EFCAB11: variants seen among roughly 807,000 people sequenced by gnomAD.
EFCAB11 encodes EF-hand calcium-binding domain-containing protein 11.
EFCAB11 carries 14 observed loss-of-function variants against 23.0 expected under a neutral mutation model. That is an observed-to-expected ratio of 0.61 (90% CI 0.40 to 0.95). The LOEUF (loss-of-function observed/expected upper bound fraction) is 0.95, where lower values mean the gene tolerates loss of function less well. EFCAB11 is among the 40% of genes least tolerant of loss of function. The probability of loss-of-function intolerance (pLI) is 0.00; values close to 1 mark genes in which losing one functional copy is unlikely to be tolerated. For missense variants in EFCAB11, 198 were observed against 195.8 expected (o/e 1.01, Z -0.07); for synonymous variants, 65 against 66.6 (o/e 0.98, Z 0.11).
intron 5 of EFCAB11, among the ~76,000 whole-genome samples, chr14:89,839,780 G>A (rs750783320): frequency 1.3e-5 from 2 of 150,576 alleles, no homozygotes; most frequent in African/African-American, 2.4e-5. Context: ...ACTTCACATG[G>A]CTGGAGCAGG....
At chr14:89,804,424 T>C (rs949999135) in intron 5 of EFCAB11, among the ~76,000 whole-genome samples, 3 of 152,208 alleles carry the variant, frequency 2.0e-5, no homozygotes, top group Non-Finnish European at 4.4e-5. Flanking sequence ...AAGCTTTACG[T>C]AGACAACTCT....
In EFCAB11 at chr14:89,850,345, G is replaced by A. The variant is rs191517210; in HGVS notation, c.411-53021C>T. On this transcript the variant is annotated intron_variant, in intron 5 of 5. Transcript: ENST00000316738. ...TGTGTCTTCCTTACCTTGGCATTCC[G>A]AATGTTTCTAGACTGTGCGACCCAC... is the stretch of plus-strand genomic sequence containing the variant. Among the ~76,000 whole-genome samples the A allele has an allele frequency of 2.3e-3, 353 of 152,250 alleles. 1 individual carries two copies. Among genetic ancestry groups the A allele is most frequent in the African/African-American group, 8.4e-3 (347 of 41,544 alleles).
At chr14:89,857,619 GCT>G (rs1887795654) in intron 5 of EFCAB11, among the ~76,000 whole-genome samples, 1 of 152,090 alleles carries the variant, frequency 6.6e-6, no homozygotes, top group South Asian at 2.1e-4. Flanking sequence ...CTTCTCTGAA[GCT>G]CTGTCATATC....
chr14:89,905,440 T>C (rs1020596140), intron 5 of EFCAB11, among the ~76,000 whole-genome samples: 3 of 152,098 alleles, frequency 2.0e-5, no homozygotes, highest in Non-Finnish European at 4.4e-5. Context: ...ACGTGCTTAG[T>C]GCAAAATGAC....
chr14:89,874,789 G>T (rs980540567), intron 5 of EFCAB11, among the ~76,000 whole-genome samples: 8 of 152,262 alleles, frequency 5.3e-5, no homozygotes, highest in African/African-American at 1.9e-4. Flanking sequence ...CTACTCGGGA[G>T]GCTGAGGCAA....
intron 2 of EFCAB11, among the ~76,000 whole-genome samples, chr14:89,953,090 T>C (rs1236123090): frequency 6.6e-6 from 1 of 151,902 alleles, no homozygotes; most frequent in Admixed American, 6.6e-5. Context: ...AGCAAATATC[T>C]AACAAAATTT....
At position 89,929,030 on chromosome 14, in the gene EFCAB11, C is replaced by CATATATATATATATATATATATATTTT. The variant is rs34339124; in HGVS notation, c.410+2510_410+2511insAAAATATATATATATATATATATATAT. Among the ~76,000 whole-genome samples the CATATATATATATATATATATATATTTT allele has an allele frequency of 4.6e-4, 56 of 121,200 alleles. 1 individual carries two copies. The highest frequency in any genetic ancestry group is 1.6e-3 in the African/African-American group (53 of 33,184). The allele number at this position is 121,200 out of a possible 152,430, so 79.5% of individuals were successfully genotyped here. A position where few individuals can be genotyped will look rare whatever the true frequency, so the allele number is the denominator to read the frequency against. On this transcript the variant is annotated intron_variant, in intron 5 of 5. Transcript: ENST00000316738. The stretch of plus-strand genomic sequence containing the variant: ...GGAAAGATGGACATATAAATACATA[C>CATATATATATATATATATATATATTTT]ATATATATATATATACACACACACA...
intron 5 of EFCAB11, among the ~76,000 whole-genome samples, chr14:89,898,546 G>A (rs1596441370): frequency 6.6e-6 from 1 of 151,920 alleles, no homozygotes; most frequent in African/African-American, 2.4e-5. Flanking sequence ...TGTATTTTTG[G>A]TAGAGACAGT....
At chr14:89,856,808 G>A (rs1334235216) in intron 5 of EFCAB11, among the ~76,000 whole-genome samples, 1 of 152,146 alleles carries the variant, frequency 6.6e-6, no homozygotes, top group African/African-American at 2.4e-5. Context: ...TGAGTTGTAT[G>A]AGTCCTTTAT....
intron 5 of EFCAB11, among the ~76,000 whole-genome samples, chr14:89,890,429 TTTATA>T (rs1198361755): frequency 3.3e-5 from 5 of 152,192 alleles, no homozygotes; most frequent in Non-Finnish European, 5.9e-5. Context: ...CATTACTGAT[TTTATA>T]TATTTTCTAT....
chr14:89,894,634 T>C (rs1315339654), intron 5 of EFCAB11, among the ~76,000 whole-genome samples: 1 of 152,166 alleles, frequency 6.6e-6, no homozygotes, highest in Non-Finnish European at 1.5e-5. Context: ...AACAAGACAC[T>C]ATCACCCCTG....
At chr14:89,859,613 A>G (rs1454579956) in intron 5 of EFCAB11, among the ~76,000 whole-genome samples, 1 of 152,166 alleles carries the variant, frequency 6.6e-6, no homozygotes, top group African/African-American at 2.4e-5. Context: ...CAGTCCATTT[A>G]CTCTGTCATC....
intron 5 of EFCAB11, among the ~76,000 whole-genome samples, chr14:89,834,821 A>G (rs557344514): frequency 6.6e-6 from 1 of 152,350 alleles, no homozygotes; most frequent in East Asian, 1.9e-4. Context: ...CTTCAGACAG[A>G]GAAGATAATT....
At chr14:89,819,128 C>G (rs539756136) in intron 5 of EFCAB11, among the ~76,000 whole-genome samples, 5 of 152,256 alleles carry the variant, frequency 3.3e-5, no homozygotes, top group African/African-American at 9.6e-5. Flanking sequence ...AAACCCAACG[C>G]CCATCAACAT....
chr14:89,939,171 C>T (rs1890703649), intron 3 of EFCAB11, among the ~76,000 whole-genome samples: 2 of 152,092 alleles, frequency 1.3e-5, no homozygotes, highest in South Asian at 4.1e-4. Flanking sequence ...TCCTTCCTTC[C>T]GTGCACACCG....
Position 89,884,849 on chromosome 14 carries a change from T to G in EFCAB11, c.410+46692A>C, listed in dbSNP as rs1355612769. ...GAGTGGGACCATCATAAGGGATTAG[T>G]GCTCTTATAAGAAGAGCAAGAGATC... is the stretch of plus-strand genomic sequence containing the variant. On this transcript the variant is annotated intron_variant, in intron 5 of 5. Coordinates refer to ENST00000316738, the MANE Select transcript of EFCAB11 (RefSeq NM_145231.4). Among the ~76,000 whole-genome samples the G allele has an allele frequency of 3.9e-5, 6 of 152,318 alleles. 1 individual carries two copies. The East Asian group carries it at 1.2e-3, about 29-fold the overall frequency.
intron 5 of EFCAB11, among the ~76,000 whole-genome samples, chr14:89,918,897 C>T (rs900481455): frequency 6.6e-6 from 1 of 151,134 alleles, no homozygotes; most frequent in Non-Finnish European, 1.5e-5. Flanking sequence ...AGCTGAGTTA[C>T]ATTTCTCCTG....
chr14:89,891,141 C>A (rs1023006537), intron 5 of EFCAB11, among the ~76,000 whole-genome samples: 1 of 152,304 alleles, frequency 6.6e-6, no homozygotes, highest in East Asian at 1.9e-4. Flanking sequence ...AACACATAAA[C>A]CACTCTGATT....
chr14:89,865,397 G>C (rs1888053080), intron 5 of EFCAB11, among the ~76,000 whole-genome samples: 1 of 152,144 alleles, frequency 6.6e-6, no homozygotes, highest in Non-Finnish European at 1.5e-5. Flanking sequence ...ATCAGGTGTT[G>C]ATTTAGAGAC....
Sources: gnomAD v4.1 joint callset for allele counts (sites outside exome capture counted in the v4.1 genomes callset) on GRCh38, gnomAD v4.1.1 for gene constraint, MANE v1.5 for transcripts, NCBI Gene and HGNC (gene_info 2026-07-23, HGNC 2026-07-21) for gene names.